The following CARMIL3 variants were observed in gnomAD, a reference collection of about 807,000 sequenced individuals.
CARMIL3 encodes the protein capping protein, Arp2/3 and myosin-I linker protein 3.
In CARMIL3, 88 loss-of-function variants were observed where a neutral mutation model predicts 180.8. That is an observed-to-expected ratio of 0.49 (90% CI 0.41 to 0.58). The LOEUF is 0.58. Among genes scored for constraint, CARMIL3 ranks in the 20% least tolerant of loss-of-function variants. CARMIL3 has a pLI of 0.00. For synonymous variants in CARMIL3, 696 were observed against 714.5 expected (o/e 0.97, Z 0.41); for missense variants, 1,548 against 1,787.0 (o/e 0.87, Z 2.41).
Position 24,058,716 on chromosome 14 carries a change from C to G in CARMIL3, c.1429C>G (p.Leu477Val). ...SAGAQALQEQ[L>V]GAVTCVGSLD... is the part of the protein sequence containing the mutation. ...GGGAGCCCAAGCCTTGCAGGAGCAG[C>G]TGGGAGCTGTCACCTGTGTAGGCAG... The change falls in exon 18 of 40, where the codon CTG becomes GTG. Residue 477 changes from leucine (L) to valine (V), a missense_variant. Leu to Val is a conservative substitution (Grantham distance 32, BLOSUM62 1). Around this residue, in one of 4 missense-constraint regions of CARMIL3, gnomAD observed 578 missense variants for 666.5 expected, o/e 0.87. Transcript: ENST00000342740. This position sits in a 1 kb window ranked among gnomAD's most constrained non-coding sequence, Gnocchi z 6.4. 6.2e-7 allele frequency: 1 copy of G among 1,614,188 alleles called. No homozygotes were observed.
chr14:24,058,804 G>A lies in CARMIL3; in HGVS notation c.1474+43G>A, dbSNP rs1390948234. 1 of 1,612,936 alleles carries A rather than the reference G, an allele frequency of 6.2e-7. No individual in the cohort carries two copies. The highest frequency in any genetic ancestry group is 1.7e-5 in the Admixed American group (1 of 60,008). ...CCTTCCCTGGGGCCAGGGGAGAACA[G>A]GGGCCTGGAGCATGCAGAAGCAGCC... On this transcript the variant is annotated intron_variant, in intron 18 of 39. Coordinates refer to ENST00000342740, the MANE Select transcript of CARMIL3 (RefSeq NM_138360.4). This position sits in a 1 kb window ranked among gnomAD's most constrained non-coding sequence, Gnocchi z 6.4.
intron 32 of CARMIL3, among the ~76,000 whole-genome samples, chr14:24,064,581 G>A (rs774532001): frequency 8.5e-5 from 13 of 152,284 alleles, no homozygotes; most frequent in Non-Finnish European, 1.6e-4. Context: ...CAGTGGGGTT[G>A]GAGAGCAGGT....
Position 24,061,176 on chromosome 14 carries a change from C to T in CARMIL3, c.2304+136C>T. ...GCAGAGTTGAGACCACCCACGCTCCCACTGTACCAAGGCATTGCTGCAATA... is the reference window on the plus strand; with the variant it reads ...GCAGAGTTGAGACCACCCACGCTCCTACTGTACCAAGGCATTGCTGCAATA... On this transcript the variant is annotated intron_variant, in intron 26 of 39. Transcript: ENST00000342740. This position sits in a 1 kb window ranked among gnomAD's most constrained non-coding sequence, Gnocchi z 4.1. 6.8e-6 allele frequency: 5 copies of T among 735,610 alleles called. 1 individual carries two copies. The Admixed American group carries it at 1.1e-4, about 16-fold the overall frequency. The allele number at this position is 735,610 out of a possible 1,614,324, so 45.6% of individuals were successfully genotyped here. A position where few individuals can be genotyped will look rare whatever the true frequency, so the allele number is the denominator to read the frequency against.
At chr14:24,056,174 C>T (rs1308837019) in intron 10 of CARMIL3, 125 bp from the exon 11 acceptor site, 3 of 726,372 alleles carry the variant, frequency 4.1e-6, no homozygotes, top group African/African-American at 3.5e-5. Flanking sequence ...CTGAGCTGTT[C>T]CCCTGTTGTG....
chr14:24,061,828 T>C lies in CARMIL3; in HGVS notation c.2480+156T>C, dbSNP rs2035736455. On this transcript the variant is annotated intron_variant, in intron 27 of 39. Transcript: ENST00000342740. The surrounding 1 kb of genome is among the most constrained non-coding windows in gnomAD (Gnocchi z 4.1). ...AAGTGCAACCTTGCTATTTAGGGTC[T>C]GGCTGGTCTTTGCCCTAGAAATCTA... The C allele has an allele frequency of 5.5e-6, 5 of 912,482 alleles. No homozygotes were observed. Among genetic ancestry groups the C allele is most frequent in the Non-Finnish European group, 8.0e-6 (5 of 626,384 alleles). 56.5% of individuals were successfully genotyped at this position (912,482 alleles called of 1,614,324 possible). A position where few individuals can be genotyped will look rare whatever the true frequency, so the allele number is the denominator to read the frequency against.
chr14:24,060,820 A>C, intron 25 of CARMIL3, 64 bp downstream of exon 25: 5 of 1,578,234 alleles, frequency 3.2e-6, no homozygotes, highest in Non-Finnish European at 4.3e-6. Context: ...CGACCATGCT[A>C]AGCCATGACA....
At chr14:24,066,520 A>G in intron 35 of CARMIL3, 47 bp from the exon 36 acceptor site, 2 of 1,612,578 alleles carry the variant, frequency 1.2e-6, no homozygotes, top group Non-Finnish European at 1.7e-6. Context: ...GGTCAAATTT[A>G]CCTTTTCCCT....
At chr14:24,069,303 C>T (rs1160489475) in intron 39 of CARMIL3, 56 bp downstream of exon 39, 3 of 1,610,714 alleles carry the variant, frequency 1.9e-6, no homozygotes, top group African/African-American at 2.7e-5. Flanking sequence ...CAACATGACA[C>T]CCCCCGAAGC....
In CARMIL3 at chr14:24,065,203, G is replaced by A. The variant is rs1327946291; in HGVS notation, c.3326G>A (p.Ser1109Asn). The A allele has an allele frequency of 6.4e-7, 1 of 1,555,190 alleles. No individual in the cohort carries two copies. The change falls in exon 33 of 40, where the codon AGC (serine) becomes AAC (asparagine). Residue 1109 changes from serine (S) to asparagine (N), a missense_variant. By Grantham distance (46) the Ser-to-Asn change is conservative. Transcript: ENST00000342740. ...GGCAATAACTCCTCTCCCTGCTGGA[G>A]CCCAGAGGAGGAGAGCAGCCTCCTC... ...SLGNNSSPCWSPEEESSLLPG... is the reference protein window; with the variant it reads ...SLGNNSSPCWNPEEESSLLPG...
Position 24,061,950 on chromosome 14 carries a change from C to T in CARMIL3, c.2480+278C>T. 1 of 409,976 alleles carries T rather than the reference C, an allele frequency of 2.4e-6. No homozygotes were observed. The highest frequency in any genetic ancestry group is 4.4e-6 in the Non-Finnish European group (1 of 228,330). The allele number at this position is 409,976 out of a possible 1,614,324, so 25.4% of individuals were successfully genotyped here. On this transcript the variant is annotated intron_variant, in intron 27 of 39. Coordinates refer to ENST00000342740, the MANE Select transcript of CARMIL3 (RefSeq NM_138360.4). The surrounding 1 kb of genome is among the most constrained non-coding windows in gnomAD (Gnocchi z 4.1). ...ACCAGGAATGGGATAGCAGGGCCTCCTCGGAGGCATGGACAAAGAAAAGTA... is the reference window on the plus strand; with the variant it reads ...ACCAGGAATGGGATAGCAGGGCCTCTTCGGAGGCATGGACAAAGAAAAGTA...
rs577739571 is a variant in CARMIL3, at chr14:24,061,156, G to A, written c.2304+116G>A. ...CTGGAGGGCCAGGAGGACATGCAGA[G>A]TTGAGACCACCCACGCTCCCACTGT... On this transcript the variant is annotated intron_variant, in intron 26 of 39. Transcript: ENST00000342740. This position sits in a 1 kb window ranked among gnomAD's most constrained non-coding sequence, Gnocchi z 4.1. 4 of 875,192 alleles carry A rather than the reference G, an allele frequency of 4.6e-6. No individual in the cohort carries two copies. The highest frequency in any genetic ancestry group is 7.1e-6 in the Non-Finnish European group (4 of 562,578). 54.2% of individuals were successfully genotyped at this position (875,192 alleles called of 1,614,324 possible). A position where few individuals can be genotyped will look rare whatever the true frequency, so the allele number is the denominator to read the frequency against.
intron 1 of CARMIL3, 98 bp downstream of exon 1, chr14:24,052,291 C>T: frequency 5.7e-6 from 7 of 1,235,058 alleles, no homozygotes; most frequent in Non-Finnish European, 7.7e-6. Context: ...TGTCTCACAC[C>T]CCTCACCCCA....
chr14:24,061,034 G>C lies in CARMIL3; in HGVS notation c.2298G>C (p.Glu766Asp). ...ASEVSKAVDK[E>D]LQVILESMVS... is the part of the protein sequence containing the mutation. ...AGGTGTCCAAAGCTGTGGACAAGGAGCTGCAGGCAAGTCCTGGAGGAGGGA... is the reference window on the plus strand; with the variant it reads ...AGGTGTCCAAAGCTGTGGACAAGGACCTGCAGGCAAGTCCTGGAGGAGGGA... Residue 766 changes from glutamate (E) to aspartate (D), a missense_variant, in exon 26 of 40, where the codon GAG becomes GAC. Around this residue, in one of 4 missense-constraint regions of CARMIL3, gnomAD observed 297 missense variants for 415.9 expected, o/e 0.71. Coordinates refer to ENST00000342740, the MANE Select transcript of CARMIL3 (RefSeq NM_138360.4). The surrounding 1 kb of genome is among the most constrained non-coding windows in gnomAD (Gnocchi z 4.1). 1 of 1,551,580 alleles carries C rather than the reference G, an allele frequency of 6.4e-7. No homozygotes were observed. Among genetic ancestry groups the C allele is most frequent in the Non-Finnish European group, 8.7e-7 (1 of 1,146,908 alleles).
In CARMIL3 at chr14:24,065,113, T is replaced by TCCC; in HGVS notation, c.3237_3239dup (p.Pro1087dup). ...GGGTCCCCTACCACTGGACTCCTCC[T>TCCC]CCCTCCACCCCCACCCCCTCCCCCG... On this transcript the variant is annotated inframe_insertion, in exon 33 of 40. Transcript: ENST00000342740. 2 of 1,435,684 alleles carry TCCC rather than the reference T, an allele frequency of 1.4e-6. No homozygotes were observed. Among genetic ancestry groups the TCCC allele is most frequent in the Non-Finnish European group, 1.9e-6 (2 of 1,070,206 alleles). 88.9% of individuals were successfully genotyped at this position (1,435,684 alleles called of 1,614,324 possible).
In CARMIL3 at chr14:24,055,769, G is replaced by A. The variant is rs1265666784; in HGVS notation, c.750G>A (p.Leu250=). 2.5e-6 allele frequency: 4 copies of A among 1,614,060 alleles called. No individual in the cohort carries two copies. Among genetic ancestry groups the A allele is most frequent in the Non-Finnish European group, 3.4e-6 (4 of 1,179,964 alleles). Residue 250 remains leucine (L), a synonymous_variant, in exon 10 of 40, where the codon CTG becomes CTA. Coordinates refer to ENST00000342740, the MANE Select transcript of CARMIL3 (RefSeq NM_138360.4). Reference sequence around the variant, plus strand: ...CGGGGAGCCTCGAAGAGCTGGTGCTGGACAACGCCGGGCTTAAGACGTGAG... The same window carrying A: ...CGGGGAGCCTCGAAGAGCTGGTGCTAGACAACGCCGGGCTTAAGACGTGAG... ...SKSGSLEELV[L]DNAGLKTDFV... is the part of the protein sequence containing the mutation.
rs117092113 is a variant in CARMIL3 at position 24,064,265 on chromosome 14, G to C, written c.2999G>C (p.Arg1000Pro). ...GRPSMPAPGT[R>P]QENGMATRLD... is the part of the protein sequence containing the mutation. ...CAGCAGATGCCAGCACCTGGGACTC[G>C]TCAGGAGAATGGGATGGCCACCCGC... Residue 1000 changes from arginine (R) to proline (P), a missense_variant, in exon 32 of 40, where the codon CGT becomes CCT. Physicochemically the swap from Arg to Pro is moderately radical, Grantham distance 103. This residue lies in a region of CARMIL3 where 668 missense variants were observed against 687.8 expected (regional missense o/e 0.97). Transcript: ENST00000342740. 2.1e-5 allele frequency: 34 copies of C among 1,612,140 alleles called. No homozygotes were observed. Among genetic ancestry groups the C allele is most frequent in the Non-Finnish European group, 2.7e-5 (32 of 1,179,148 alleles).
Position 24,055,604 on chromosome 14 carries a change from A to G in CARMIL3, c.667A>G (p.Lys223Glu). The G allele has an allele frequency of 1.2e-6, 2 of 1,614,142 alleles. No individual in the cohort carries two copies. Among genetic ancestry groups the G allele is most frequent in the Non-Finnish European group, 1.7e-6 (2 of 1,180,038 alleles). ...CCAGTGGTTCACCAAACTCTACTGCAAGGACTTGCGGCTGGTAGGAACTGG... is the reference window on the plus strand; with the variant it reads ...CCAGTGGTTCACCAAACTCTACTGCGAGGACTTGCGGCTGGTAGGAACTGG... ...YNQWFTKLYCKDLRLGSEVLE... is the reference protein window; with the variant it reads ...YNQWFTKLYCEDLRLGSEVLE... Residue 223 changes from lysine (K) to glutamate (E), a missense_variant, in exon 9 of 40, where the codon AAG (lysine) becomes GAG (glutamate). Physicochemically the swap from Lys to Glu is moderately conservative, Grantham distance 56. Transcript: ENST00000342740.
At position 24,059,224 on chromosome 14, in the gene CARMIL3, G is replaced by T; in HGVS notation, c.1626+35G>T. Reference sequence around the variant, plus strand: ...TGGGCCTGGGAGGGGACCTGCAGTCGGAGGAGGCTGTGGGGACTGGGTCCA... The same window carrying T: ...TGGGCCTGGGAGGGGACCTGCAGTCTGAGGAGGCTGTGGGGACTGGGTCCA... On this transcript the variant is annotated intron_variant, in intron 20 of 39. Coordinates refer to ENST00000342740, the MANE Select transcript of CARMIL3 (RefSeq NM_138360.4). This position sits in a 1 kb window ranked among gnomAD's most constrained non-coding sequence, Gnocchi z 6.3. 6.2e-7 allele frequency: 1 copy of T among 1,613,784 alleles called. No homozygotes were observed. The highest frequency in any genetic ancestry group is 2.2e-5 in the East Asian group (1 of 44,874).
Position 24,058,645 on chromosome 14 carries a change from A to T in CARMIL3, c.1393-35A>T, listed in dbSNP as rs770289187. 1 of 1,603,538 alleles carries T rather than the reference A, an allele frequency of 6.2e-7. No homozygotes were observed. The highest frequency in any genetic ancestry group is 1.7e-5 in the Admixed American group (1 of 59,798). On this transcript the variant is annotated intron_variant, in intron 17 of 39. Coordinates refer to ENST00000342740, the MANE Select transcript of CARMIL3 (RefSeq NM_138360.4). This position sits in a 1 kb window ranked among gnomAD's most constrained non-coding sequence, Gnocchi z 6.4. The stretch of plus-strand genomic sequence containing the variant: ...TTAAAGGTGCCCTACCCCCACCCCA[A>T]CCCCTGCCTTCCCTACCTCACCTTG...
Sources: allele counts gnomAD v4.1 joint callset (sites outside exome capture counted in the v4.1 genomes callset), GRCh38; gene constraint gnomAD v4.1.1; regional missense constraint gnomAD v4.1.1; non-coding constraint Gnocchi (gnomAD v3.1); transcripts MANE v1.5; gene names NCBI Gene and HGNC (gene_info 2026-07-23, HGNC 2026-07-21).